LRRC4C: variants seen among roughly 807,000 people sequenced by gnomAD.
LRRC4C encodes the protein leucine rich repeat containing 4C, also known as leucine-rich repeat-containing protein 4C.
Under a neutral mutation model 33.6 loss-of-function variants are expected in LRRC4C, and 5 were observed. The ratio of observed to expected loss-of-function variants is 0.15; its 90% CI spans 0.08 to 0.31. The LOEUF (loss-of-function observed/expected upper bound fraction) is 0.31. Among genes scored for constraint, LRRC4C ranks in the 10% least tolerant of loss-of-function variants. The pLI is 1.00. For synonymous variants in LRRC4C, 329 were observed against 302.0 expected (o/e 1.09, Z -0.93); for missense variants, 560 against 796.7 (o/e 0.70, Z 3.58).
chr11:40,535,830 G>A (rs11035900), intron 3 of LRRC4C, among the ~76,000 whole-genome samples: 13,385 of 152,204 alleles, frequency 0.088, 1,668 homozygotes, highest in African/African-American at 0.28. Flanking sequence ...GAAAACTTTT[G>A]TACATTTTGA....
At chr11:40,398,515 G>T (rs2137521258) in intron 3 of LRRC4C, among the ~76,000 whole-genome samples, 1 of 152,098 alleles carries the variant, frequency 6.6e-6, no homozygotes, top group East Asian at 1.9e-4. Context: ...TGAACCAATG[G>T]ATAAACCAGT....
intron 1 of LRRC4C, among the ~76,000 whole-genome samples, chr11:41,329,500 T>C (rs1360437353): frequency 6.6e-6 from 1 of 152,200 alleles, no homozygotes; most frequent in East Asian, 1.9e-4. Flanking sequence ...GATCCAAACA[T>C]CTCTAATCCT....
rs142809067 is a variant in LRRC4C, at chr11:41,230,042, A to G, written c.-496+229389T>C. On this transcript the variant is annotated intron_variant, in intron 1 of 6. Transcript: ENST00000528697. ...TTATGCCATTTTTCTTGTCCTCATC[A>G]TATCTCTGACTACATATTCTGACAA... 1.3e-4 allele frequency among the ~76,000 whole-genome samples: 20 copies of G among 151,992 alleles called. No individual in the cohort carries two copies. The East Asian group carries it at 3.5e-3, about 27-fold the overall frequency.
chr11:40,344,122 GAGA>G (rs1437407151), intron 3 of LRRC4C, among the ~76,000 whole-genome samples: 5 of 151,866 alleles, frequency 3.3e-5, no homozygotes, highest in African/African-American at 1.2e-4. Context: ...AGAAATTGAG[GAGA>G]AGGTACTCCT....
At chr11:40,284,273 C>T (rs1028664501) in intron 4 of LRRC4C, among the ~76,000 whole-genome samples, 1 of 152,174 alleles carries the variant, frequency 6.6e-6, no homozygotes, top group Non-Finnish European at 1.5e-5. Flanking sequence ...AGGACTAAAA[C>T]ATTTAGCATG....
chr11:41,228,106 AGTCT>A (rs549255751), intron 1 of LRRC4C, among the ~76,000 whole-genome samples: 38 of 144,890 alleles, frequency 2.6e-4, no homozygotes, highest in East Asian at 9.7e-4. Flanking sequence ...ATATTATATC[AGTCT>A]GTCTGTCTAT....
intron 5 of LRRC4C, among the ~76,000 whole-genome samples, chr11:40,197,243 T>G (rs910971496): frequency 6.6e-6 from 1 of 152,168 alleles, no homozygotes; most frequent in African/African-American, 2.4e-5. Flanking sequence ...CCTCCATAAA[T>G]TGTGCTAACC....
At chr11:40,213,922 A>T (rs138708784) in intron 5 of LRRC4C, among the ~76,000 whole-genome samples, 89 of 152,254 alleles carry the variant, frequency 5.8e-4, no homozygotes, top group African/African-American at 2.1e-3. Flanking sequence ...CAAATTGAAA[A>T]TGAGAAAAAA....
At chr11:41,422,559 C>G (rs975137627) in intron 1 of LRRC4C, among the ~76,000 whole-genome samples, 1 of 151,962 alleles carries the variant, frequency 6.6e-6, no homozygotes, top group African/African-American at 2.4e-5. Flanking sequence ...ATGGAAGGAC[C>G]TGAGTCTTTC....
chr11:41,390,452 A>G (rs1953545888), intron 1 of LRRC4C, among the ~76,000 whole-genome samples: 1 of 151,766 alleles, frequency 6.6e-6, no homozygotes, highest in Non-Finnish European at 1.5e-5. Flanking sequence ...GCCTGTCACT[A>G]CCCTGCCCTT....
chr11:40,266,055 T>G (rs954897201), intron 4 of LRRC4C, among the ~76,000 whole-genome samples: 1 of 152,152 alleles, frequency 6.6e-6, no homozygotes, highest in Non-Finnish European at 1.5e-5. Flanking sequence ...TCCAGCACTT[T>G]GGGAGGCCGA....
intron 2 of LRRC4C, among the ~76,000 whole-genome samples, chr11:40,659,066 T>C (rs1175434099): frequency 6.6e-6 from 1 of 152,122 alleles, no homozygotes; most frequent in Non-Finnish European, 1.5e-5. Context: ...ATTGCTGCAC[T>C]CTTGGGGGCC....
intron 3 of LRRC4C, among the ~76,000 whole-genome samples, chr11:40,399,648 C>T (rs1949684287): frequency 1.3e-5 from 2 of 151,932 alleles, no homozygotes; most frequent in Non-Finnish European, 2.9e-5. Flanking sequence ...CTAACCTGCA[C>T]ATTGTGCACC....
chr11:41,384,630 C>G (rs928078470), intron 1 of LRRC4C, among the ~76,000 whole-genome samples: 19 of 151,092 alleles, frequency 1.3e-4, no homozygotes, highest in African/African-American at 4.6e-4. Context: ...TTCTGAAGAC[C>G]AGATAAAATA....
intron 1 of LRRC4C, among the ~76,000 whole-genome samples, chr11:41,225,230 A>G (rs1464214597): frequency 6.6e-6 from 1 of 152,144 alleles, no homozygotes; most frequent in Non-Finnish European, 1.5e-5. Context: ...AGTATTTGAT[A>G]GCACAACAGG....
intron 3 of LRRC4C, among the ~76,000 whole-genome samples, chr11:40,523,029 G>C (rs1256400983): frequency 6.6e-6 from 1 of 152,100 alleles, no homozygotes; most frequent in Non-Finnish European, 1.5e-5. Flanking sequence ...CTCTTCAAAA[G>C]CCTGCTTTCA....
At chr11:40,195,198 G>C (rs1258268528) in intron 5 of LRRC4C, among the ~76,000 whole-genome samples, 3 of 152,106 alleles carry the variant, frequency 2.0e-5, no homozygotes, top group African/African-American at 7.2e-5. Context: ...TGTTGTACAG[G>C]AATTCAGTGA....
intron 3 of LRRC4C, among the ~76,000 whole-genome samples, chr11:40,409,698 A>G (rs1181659755): frequency 6.6e-6 from 1 of 152,022 alleles, no homozygotes; most frequent in Non-Finnish European, 1.5e-5. Context: ...CCTCATATCT[A>G]TTGGAATGGC....
intron 2 of LRRC4C, among the ~76,000 whole-genome samples, chr11:40,871,385 C>T (rs950874409): frequency 1.2e-4 from 19 of 152,080 alleles, no homozygotes; most frequent in Admixed American, 2.6e-4. Flanking sequence ...CAGAACCTGC[C>T]GACATGTGAT....
Sources: gnomAD v4.1 joint callset for allele counts (sites outside exome capture counted in the v4.1 genomes callset) on GRCh38, gnomAD v4.1.1 for gene constraint, MANE v1.5 for transcripts, NCBI Gene and HGNC (gene_info 2026-07-23, HGNC 2026-07-21) for gene names.